Variants in ZC4H2 observed in about 807,000 individuals in gnomAD.
ZC4H2 encodes zinc finger C4H2-type containing.
For missense variants in ZC4H2, 137 were observed against 173.9 expected (o/e 0.79, Z 1.19); for synonymous variants, 84 against 66.3 (o/e 1.27, Z -1.30).
At chrX:64,945,289 T>C (rs1458510135) in intron 1 of ZC4H2, among the ~76,000 whole-genome samples, 1 of 112,214 alleles carries the variant, frequency 8.9e-6, no homozygotes, top group Non-Finnish European at 1.9e-5. Context: ...ATGTCGATGT[T>C]GATGTTATTG....
chrX:65,006,515 C>T lies in ZC4H2; in HGVS notation c.-272+28114G>A, dbSNP rs780650240. 2.9e-5 allele frequency among the ~76,000 whole-genome samples: 3 copies of T among 102,486 alleles called. No individual in the cohort carries two copies. In the South Asian group the frequency reaches 1.5e-3, roughly 51 times the overall value. 89.0% of individuals were successfully genotyped at this position (102,486 alleles called of 115,157 possible). A position where few individuals can be genotyped will look rare whatever the true frequency, so the allele number is the denominator to read the frequency against. ...ACAGGTGGGAACTGAACAATGAGAC[C>T]ACTTGGAGACAGGAAGGGGAACATC... On this transcript the variant is annotated intron_variant, in intron 1 of 4. Coordinates refer to the ZC4H2 transcript ENST00000337990.
chrX:65,009,451 C>T (rs923724405), intron 1 of ZC4H2, among the ~76,000 whole-genome samples: 8 of 111,986 alleles, frequency 7.1e-5, no homozygotes, highest in Non-Finnish European at 1.3e-4. Flanking sequence ...GAGACAGATT[C>T]GTGATGCTTT....
intron 1 of ZC4H2, among the ~76,000 whole-genome samples, chrX:65,014,269 A>G (rs938475740): frequency 5.4e-5 from 6 of 111,660 alleles, no homozygotes; most frequent in South Asian, 3.8e-4. Flanking sequence ...TAGGTCCTAC[A>G]CAACCATTTT....
At chrX:64,994,810 CCTT>C (rs1490898652) in intron 1 of ZC4H2, among the ~76,000 whole-genome samples, 1 of 111,197 alleles carries the variant, frequency 9.0e-6, no homozygotes, top group Non-Finnish European at 1.9e-5. Context: ...TTGTCTCTCA[CCTT>C]CTTCCACAAA....
chrX:64,950,605 A>G (rs1001927980), intron 1 of ZC4H2, among the ~76,000 whole-genome samples: 2 of 110,188 alleles, frequency 1.8e-5, no homozygotes, highest in African/African-American at 3.3e-5. Context: ...TTATGAAATG[A>G]CCTTCTTTGT....
At chrX:65,016,470 C>A (rs1346838589) in intron 1 of ZC4H2, among the ~76,000 whole-genome samples, 2 of 111,769 alleles carry the variant, frequency 1.8e-5, no homozygotes, top group Admixed American at 9.5e-5. Context: ...CTTGTTGCAA[C>A]CATGTAGGTT....
chrX:64,954,860 C>A (rs1931091644), intron 1 of ZC4H2, among the ~76,000 whole-genome samples: 1 of 111,379 alleles, frequency 9.0e-6, no homozygotes. Context: ...TTTAGGTATA[C>A]AGTTTGAATA....
chrX:64,952,907 C>T lies in ZC4H2; in HGVS notation c.53+23418G>A, dbSNP rs750023699. Among the ~76,000 whole-genome samples, 242 of 111,324 alleles carry T rather than the reference C, an allele frequency of 2.2e-3. 1 individual carries two copies. Among genetic ancestry groups the T allele is most frequent in the African/African-American group, 7.5e-3 (231 of 30,635 alleles). ...GAACAAAGCTGGAGGCATCACGCTACCTGACTTCAAACTATACTACAAGGC... is the reference window on the plus strand; with the variant it reads ...GAACAAAGCTGGAGGCATCACGCTATCTGACTTCAAACTATACTACAAGGC... On this transcript the variant is annotated intron_variant, in intron 1 of 4. Transcript: ENST00000374839.
intron 1 of ZC4H2, among the ~76,000 whole-genome samples, chrX:65,004,341 T>A (rs955659297): frequency 1.8e-5 from 2 of 111,891 alleles, no homozygotes; most frequent in Non-Finnish European, 3.8e-5. Flanking sequence ...AATAAAATAC[T>A]GAAAAACCGA....
chrX:64,976,586 C>A (rs1261453524), upstream of ZC4H2: 13 of 428,180 alleles, frequency 3.0e-5, no homozygotes, highest in Non-Finnish European at 4.9e-5. Context: ...GAAGGCCAAG[C>A]GAGACATGCC....
intron 1 of ZC4H2, among the ~76,000 whole-genome samples, chrX:65,013,492 CTCTT>C (rs1057006502): frequency 3.6e-5 from 4 of 111,225 alleles, no homozygotes; most frequent in Admixed American, 9.6e-5. Context: ...CTAGCAGACT[CTCTT>C]TATTGATTTT....
intron 1 of ZC4H2, among the ~76,000 whole-genome samples, chrX:64,967,159 T>TAATA (rs915537917): frequency 3.5e-4 from 39 of 111,597 alleles, no homozygotes; most frequent in African/African-American, 7.5e-4. Context: ...AATGGCTTAA[T>TAATA]AATAAATAAA....
chrX:65,033,756 C>A (rs1932967907), intron 1 of ZC4H2, among the ~76,000 whole-genome samples: 1 of 111,968 alleles, frequency 8.9e-6, no homozygotes, highest in Middle Eastern at 4.6e-3. Flanking sequence ...ATAATTATCC[C>A]CATTTTACTG....
intron 1 of ZC4H2, among the ~76,000 whole-genome samples, chrX:65,030,108 AT>A (rs1602464064): frequency 9.0e-6 from 1 of 111,108 alleles, no homozygotes; most frequent in Non-Finnish European, 1.9e-5. Flanking sequence ...GAGACTCTTT[AT>A]TTTTTTATTT....
At chrX:64,946,578 C>T (rs888094911) in intron 1 of ZC4H2, among the ~76,000 whole-genome samples, 16 of 49,104 alleles carry the variant, frequency 3.3e-4, no homozygotes, top group Admixed American at 2.0e-3. Flanking sequence ...GTTTTAAATG[C>T]GTGCACACAC....
rs774789039 is a variant in ZC4H2 at position 64,970,728 on chromosome X, TG to T, written c.53+5596del. ...CCTTGAAAAATGAGTAGGATTTAGA[TG>T]CTTGGAATGGGAGAGTGGCATTCTA... On this transcript the variant is annotated intron_variant, in intron 1 of 4. Coordinates refer to ENST00000374839, the MANE Select transcript of ZC4H2 (RefSeq NM_018684.4). Among the ~76,000 whole-genome samples the T allele has an allele frequency of 2.2e-4, 25 of 111,766 alleles. No individual in the cohort carries two copies. In the East Asian group the frequency reaches 6.2e-3, roughly 28 times the overall value.
chrX:65,008,477 A>G (rs1932704178), intron 1 of ZC4H2, among the ~76,000 whole-genome samples: 1 of 112,387 alleles, frequency 8.9e-6, no homozygotes, highest in African/African-American at 3.2e-5. Flanking sequence ...CATCCAATAC[A>G]AAGGAAATCC....
At chrX:64,944,500 T>A (rs1930442341) in intron 1 of ZC4H2, among the ~76,000 whole-genome samples, 1 of 111,626 alleles carries the variant, frequency 9.0e-6, no homozygotes, top group African/African-American at 3.3e-5. Context: ...TTTCTCTGTC[T>A]GCCTTTAACA....
intron 1 of ZC4H2, among the ~76,000 whole-genome samples, chrX:64,931,674 T>C (rs1490222283): frequency 1.8e-5 from 2 of 111,758 alleles, no homozygotes; most frequent in Non-Finnish European, 3.8e-5. Context: ...GGGTTCTTTT[T>C]GAAGTTGATT....
Sources: gnomAD v4.1 joint callset for allele counts (sites outside exome capture counted in the v4.1 genomes callset) on GRCh38, gnomAD v4.1.1 for gene constraint, MANE v1.5 for transcripts, NCBI Gene and HGNC (gene_info 2026-07-23, HGNC 2026-07-21) for gene names.